Variants in SGCZ observed in about 807,000 individuals in gnomAD.
The protein encoded by SGCZ is zeta-sarcoglycan.
In SGCZ, 40 loss-of-function variants were observed where a neutral mutation model predicts 41.3. The observed-to-expected ratio is 0.97, with a 90% CI of 0.75 to 1.26. The LOEUF (loss-of-function observed/expected upper bound fraction) is 1.26. SGCZ is among the 50% of genes most tolerant of loss of function. The pLI is 0.00. For missense variants in SGCZ, 552 were observed against 369.8 expected (o/e 1.49, Z -4.04); for synonymous variants, 206 against 137.5 (o/e 1.50, Z -3.49).
chr8:14,617,566 T>A (rs1462615287), intron 1 of SGCZ, among the ~76,000 whole-genome samples: 2 of 152,182 alleles, frequency 1.3e-5, no homozygotes, highest in Admixed American at 1.3e-4. Context: ...GGCTTCTTGT[T>A]TCTAAGCTTT....
chr8:15,225,986 C>G (rs1040295207), intron 1 of SGCZ, among the ~76,000 whole-genome samples: 2 of 152,128 alleles, frequency 1.3e-5, no homozygotes, highest in African/African-American at 2.4e-5. Flanking sequence ...ATTGTAACCC[C>G]CATAGAACAG....
intron 6 of SGCZ, among the ~76,000 whole-genome samples, chr8:14,103,225 A>AGAGT (rs1180190400): frequency 6.6e-6 from 1 of 152,204 alleles, no homozygotes; most frequent in Non-Finnish European, 1.5e-5. Context: ...TTAGACAGTC[A>AGAGT]GAGTTGGGAG....
At chr8:14,390,143 G>A (rs1804717342) in intron 2 of SGCZ, among the ~76,000 whole-genome samples, 1 of 151,718 alleles carries the variant, frequency 6.6e-6, no homozygotes, top group Admixed American at 6.6e-5. Flanking sequence ...ATTTATTTAG[G>A]ACATAGAATT....
chr8:14,980,257 C>T (rs1299162058), intron 1 of SGCZ, among the ~76,000 whole-genome samples: 1 of 152,052 alleles, frequency 6.6e-6, no homozygotes, highest in Non-Finnish European at 1.5e-5. Context: ...GAAATTGAGC[C>T]AGATTTGATC....
chr8:15,128,346 A>G (rs964498989), intron 1 of SGCZ, among the ~76,000 whole-genome samples: 1 of 152,246 alleles, frequency 6.6e-6, no homozygotes, highest in African/African-American at 2.4e-5. Flanking sequence ...ATTTATTCTC[A>G]GCATTTTACC....
chr8:15,078,284 G>A lies in SGCZ; in HGVS notation c.39+159301C>T, dbSNP rs190972043. On this transcript the variant is annotated intron_variant, in intron 1 of 7. Transcript: ENST00000382080. ...AGCGAACTAAGCAGCAAAAAATCCT[G>A]CATCAATATTCCCCTGGTATGATCT... Among the ~76,000 whole-genome samples, 25 of 146,584 alleles carry A rather than the reference G, an allele frequency of 1.7e-4. 1 individual carries two copies. The highest frequency in any genetic ancestry group is 1.4e-3 in the Admixed American group (20 of 13,970).
At chr8:14,272,038 C>G (rs562375812) in intron 3 of SGCZ, among the ~76,000 whole-genome samples, 5 of 152,142 alleles carry the variant, frequency 3.3e-5, no homozygotes, top group Non-Finnish European at 5.9e-5. Context: ...GAGTCTCATT[C>G]TGTTGCCCAT....
chr8:15,144,786 CT>C (rs1798993162), intron 1 of SGCZ, among the ~76,000 whole-genome samples: 6 of 152,210 alleles, frequency 3.9e-5, no homozygotes, highest in Admixed American at 3.9e-4. Flanking sequence ...AAATATTTAA[CT>C]TCTGTTAGTT....
At chr8:14,748,771 G>A (rs1261185104) in intron 1 of SGCZ, among the ~76,000 whole-genome samples, 1 of 151,944 alleles carries the variant, frequency 6.6e-6, no homozygotes, top group Non-Finnish European at 1.5e-5. Flanking sequence ...ATAAATTATA[G>A]TATCCATTTT....
intron 1 of SGCZ, among the ~76,000 whole-genome samples, chr8:15,123,831 T>C (rs1421962252): frequency 6.6e-6 from 1 of 152,042 alleles, no homozygotes; most frequent in African/African-American, 2.4e-5. Context: ...AGACTGAGGG[T>C]CAGACAAGGC....
intron 2 of SGCZ, among the ~76,000 whole-genome samples, chr8:14,347,116 G>C (rs1201425593): frequency 1.3e-5 from 2 of 151,994 alleles, no homozygotes; most frequent in Non-Finnish European, 2.9e-5. Flanking sequence ...TAACATTCTA[G>C]CTGAGAGACA....
rs79233061 is a variant in SGCZ, at chr8:14,883,779, T to G, written c.40-328853A>C. Among the ~76,000 whole-genome samples, 553 of 133,972 alleles carry G rather than the reference T, an allele frequency of 4.1e-3. 5 individuals carry two copies. The highest frequency in any genetic ancestry group is 0.014 in the African/African-American group (506 of 36,062). 87.9% of individuals were successfully genotyped at this position (133,972 alleles called of 152,430 possible). On this transcript the variant is annotated intron_variant, in intron 1 of 7. Transcript: ENST00000382080. ...CTATCTTTGCTGGCATCCTGTTGTT[T>G]TTTTTTTTTTTTTTTTTTCCAATAG...
chr8:14,602,210 T>G (rs913463477), intron 1 of SGCZ, among the ~76,000 whole-genome samples: 1 of 152,178 alleles, frequency 6.6e-6, no homozygotes, highest in East Asian at 1.9e-4. Context: ...GAGAAAATAT[T>G]ATCCCTAGGT....
intron 1 of SGCZ, among the ~76,000 whole-genome samples, chr8:15,113,254 T>C (rs1807139956): frequency 6.6e-6 from 1 of 150,682 alleles, no homozygotes; most frequent in South Asian, 2.1e-4. Flanking sequence ...TCAAGAGCAA[T>C]ATAGTTCATA....
chr8:14,959,784 T>C (rs10087777), intron 1 of SGCZ, among the ~76,000 whole-genome samples: 42,933 of 152,050 alleles, frequency 0.28, 6,457 homozygotes, highest in East Asian at 0.45. Flanking sequence ...CACCTACTTA[T>C]TGGTAATCGA....
At chr8:14,157,797 C>T (rs935723588) in intron 5 of SGCZ, among the ~76,000 whole-genome samples, 1 of 152,026 alleles carries the variant, frequency 6.6e-6, no homozygotes, top group African/African-American at 2.4e-5. Flanking sequence ...AATACAGTAG[C>T]TCAAATTATA....
At chr8:15,015,716 G>T (rs1330169981) in intron 1 of SGCZ, among the ~76,000 whole-genome samples, 2 of 122,218 alleles carry the variant, frequency 1.6e-5, no homozygotes, top group Non-Finnish European at 1.7e-5. Context: ...AAAGAAAAAA[G>T]AAATATACAC....
intron 5 of SGCZ, among the ~76,000 whole-genome samples, chr8:14,159,111 C>G (rs1341750852): frequency 6.6e-6 from 1 of 152,064 alleles, no homozygotes; most frequent in Non-Finnish European, 1.5e-5. Flanking sequence ...GGAAATCAGA[C>G]TATTCATTGA....
At chr8:14,566,984 G>A (rs947723175) in intron 1 of SGCZ, among the ~76,000 whole-genome samples, 2 of 152,206 alleles carry the variant, frequency 1.3e-5, no homozygotes, top group African/African-American at 2.4e-5. Context: ...TAGCACCCGG[G>A]CCAGCAGCTG....
Sources: allele counts gnomAD v4.1 joint callset (sites outside exome capture counted in the v4.1 genomes callset), GRCh38; gene constraint gnomAD v4.1.1; transcripts MANE v1.5; gene names NCBI Gene and HGNC (gene_info 2026-07-23, HGNC 2026-07-21).